The following PCDHGA5 variants were observed in gnomAD, a reference collection of about 807,000 sequenced individuals.
PCDHGA5 encodes protocadherin gamma subfamily A, 5.
Under a neutral mutation model 56.7 loss-of-function variants are expected in PCDHGA5, and 36 were observed. The ratio of observed to expected loss-of-function variants is 0.64; its 90% confidence interval spans 0.49 to 0.84. The LOEUF is 0.84. Among genes scored for constraint, PCDHGA5 ranks in the 40% least tolerant of loss-of-function variants. PCDHGA5 has a pLI of 0.00. For synonymous variants in PCDHGA5, 563 were observed against 520.2 expected (o/e 1.08, Z -1.12); for missense variants, 1,305 against 1,201.5 (o/e 1.09, Z -1.27).
chr5:141,386,587 G>A (rs1423292010), intron 1 of PCDHGA5, among the ~76,000 whole-genome samples: 2 of 151,614 alleles, frequency 1.3e-5, no homozygotes, highest in African/African-American at 4.9e-5. Context: ...CAATAGTGTG[G>A]GGGATACATT....
intron 1 of PCDHGA5, chr5:141,393,452 G>A (rs189963623): frequency 6.2e-7 from 1 of 1,614,030 alleles, no homozygotes; most frequent in Non-Finnish European, 8.5e-7. Context: ...TGGTCCTCAC[G>A]GCCTCGGATG....
intron 1 of PCDHGA5, chr5:141,408,389 G>T: frequency 6.2e-7 from 1 of 1,614,032 alleles, no homozygotes; most frequent in Non-Finnish European, 8.5e-7. Flanking sequence ...GGATGTGTCG[G>T]CTCGCAAGCT....
At chr5:141,408,974 G>T (rs899313364) in intron 1 of PCDHGA5, 1 of 1,613,690 alleles carries the variant, frequency 6.2e-7, no homozygotes, top group South Asian at 1.1e-5. Flanking sequence ...TCTGCCCCCT[G>T]GGTCCCCTGT....
rs773383689 is a variant in PCDHGA5, at chr5:141,383,358, G to T, written c.2421+16607G>T. 5 of 1,613,982 alleles carry T rather than the reference G, an allele frequency of 3.1e-6. No individual in the cohort carries two copies. The South Asian group carries it at 3.3e-5, about 11-fold the overall frequency. ...ATACAGCTCCTGGGGTTCGGTTTCC[G>T]TTAAGCGAGGCTGGGGATCCAGATG... On this transcript the variant is annotated intron_variant, in intron 1 of 3. Transcript: ENST00000518069.
At chr5:141,422,907 G>A in intron 1 of PCDHGA5, 1 of 1,614,196 alleles carries the variant, frequency 6.2e-7, no homozygotes, top group Non-Finnish European at 8.5e-7. Context: ...ACGACAATGC[G>A]CCCGAGATCC....
intron 1 of PCDHGA5, chr5:141,422,741 A>G (rs1319821802): frequency 6.2e-7 from 1 of 1,610,084 alleles, no homozygotes; most frequent in Non-Finnish European, 8.5e-7. Flanking sequence ...CTGTCCTCCT[A>G]TGTCTCTATT....
chr5:141,432,997 G>A lies in PCDHGA5; in HGVS notation c.2422-61810G>A, dbSNP rs778828769. ...CGCACTTTGTGGGCGTGGACGGGGT[G>A]CAGGCTTTCCTGCAGACCTATTCCC... is the stretch of plus-strand genomic sequence containing the variant. On this transcript the variant is annotated intron_variant, in intron 1 of 3. Coordinates refer to ENST00000518069, the MANE Select transcript of PCDHGA5 (RefSeq NM_018918.3). This position sits in a 1 kb window ranked among gnomAD's most constrained non-coding sequence, Gnocchi z 6.0. 5 of 1,614,082 alleles carry A rather than the reference G, an allele frequency of 3.1e-6. No homozygotes were observed. In the Admixed American group the frequency reaches 8.3e-5, roughly 27 times the overall value.
intron 1 of PCDHGA5, chr5:141,392,860 T>A (rs726684): frequency 2.5e-6 from 4 of 1,612,016 alleles, no homozygotes; most frequent in Admixed American, 3.4e-5. Flanking sequence ...CTGATCCTGC[T>A]GTGCGCGCTG....
intron 1 of PCDHGA5, among the ~76,000 whole-genome samples, chr5:141,467,931 T>C (rs771009105): frequency 1.3e-5 from 2 of 151,966 alleles, no homozygotes; most frequent in Non-Finnish European, 2.9e-5. Flanking sequence ...AATGCTAGGA[T>C]TACAAGCATG....
rs1165142153 is a variant in PCDHGA5 at position 141,402,786 on chromosome 5, G to A, written c.2421+36035G>A. On this transcript the variant is annotated intron_variant, in intron 1 of 3. Transcript: ENST00000518069. ...ACTCCATCCGGATTTCCAGTTCTGC[G>A]GCTACACAAAACCCGGCAGATACCA... 3.3e-6 allele frequency: 3 copies of A among 907,574 alleles called. No homozygotes were observed. The African/African-American group carries it at 5.0e-5, about 15-fold the overall frequency. 56.2% of individuals were successfully genotyped at this position (907,574 alleles called of 1,614,324 possible).
At chr5:141,386,425 C>T (rs996269178) in intron 1 of PCDHGA5, among the ~76,000 whole-genome samples, 2 of 151,916 alleles carry the variant, frequency 1.3e-5, no homozygotes, top group East Asian at 1.9e-4. Context: ...AGCTGTAGCC[C>T]ACCTGCATGG....
chr5:141,387,086 A>G (rs761672201), intron 1 of PCDHGA5, among the ~76,000 whole-genome samples: 4 of 152,226 alleles, frequency 2.6e-5, no homozygotes, highest in Non-Finnish European at 5.9e-5. Context: ...GCCTGTGATC[A>G]TCGAAATGAG....
chr5:141,404,079 C>G lies in PCDHGA5; in HGVS notation c.2421+37328C>G, dbSNP rs768434673. On this transcript the variant is annotated intron_variant, in intron 1 of 3. Transcript: ENST00000518069. ...CTTTTCAATGCTCATGACCGAGACT[C>G]CGGGAAGAATGGTCAAGTTGTCTGT... 3.1e-6 allele frequency: 5 copies of G among 1,613,568 alleles called. No homozygotes were observed. In the East Asian group the frequency reaches 1.1e-4, roughly 36 times the overall value.
rs372043756 is a variant in PCDHGA5 at position 141,476,212 on chromosome 5, C to G, written c.2422-18595C>G. ...GTGCCTTGAACAAGGCTTCCACGGT[C>G]ATTCACTATGAGATCCCGGAGGAAA... On this transcript the variant is annotated intron_variant, in intron 1 of 3. Coordinates refer to ENST00000518069, the MANE Select transcript of PCDHGA5 (RefSeq NM_018918.3). The surrounding 1 kb of genome is among the most constrained non-coding windows in gnomAD (Gnocchi z 7.6). 6 of 1,613,932 alleles carry G rather than the reference C, an allele frequency of 3.7e-6. No individual in the cohort carries two copies. The highest frequency in any genetic ancestry group is 5.1e-6 in the Non-Finnish European group (6 of 1,180,012).
intron 1 of PCDHGA5, chr5:141,399,717 C>T (rs748626326): frequency 3.1e-6 from 5 of 1,613,320 alleles, no homozygotes; most frequent in Non-Finnish European, 4.2e-6. Context: ...CACTACAGGC[C>T]CGCGACCAGG....
chr5:141,485,408 T>C lies in PCDHGA5; in HGVS notation c.2422-9399T>C. On this transcript the variant is annotated intron_variant, in intron 1 of 3. Transcript: ENST00000518069. The surrounding 1 kb of genome is among the most constrained non-coding windows in gnomAD (Gnocchi z 5.7). ...GAACCAAAGACACTTCCGTGTGGAT[T>C]TGGACAGCGGAGCCCTGCTCATCAA... 1 of 1,614,112 alleles carries C rather than the reference T, an allele frequency of 6.2e-7. No individual in the cohort carries two copies. Among genetic ancestry groups the C allele is most frequent in the Non-Finnish European group, 8.5e-7 (1 of 1,180,034 alleles).
chr5:141,418,810 A>G lies in PCDHGA5; in HGVS notation c.2421+52059A>G, dbSNP rs149866479. The G allele has an allele frequency of 4.9e-3, 7,975 of 1,613,892 alleles. 44 individuals carry two copies. Among genetic ancestry groups the G allele is most frequent in the Admixed American group, 9.4e-3 (567 of 60,018 alleles). On this transcript the variant is annotated intron_variant, in intron 1 of 3. Coordinates refer to ENST00000518069, the MANE Select transcript of PCDHGA5 (RefSeq NM_018918.3). ...TTGAAGAAGTAGAAAGATATACGAT[A>G]AACATAGAAGCAAAAGACCGAGGAT...
chr5:141,497,466 G>T (rs1047422582), intron 2 of PCDHGA5, among the ~76,000 whole-genome samples: 2 of 152,020 alleles, frequency 1.3e-5, no homozygotes, highest in African/African-American at 4.8e-5. Flanking sequence ...TGGAGATATG[G>T]AGGAGAAGGT....
chr5:141,366,551 G>A lies in PCDHGA5; in HGVS notation c.2221G>A (p.Val741Met), dbSNP rs372327694. 2 of 1,614,148 alleles carry A rather than the reference G, an allele frequency of 1.2e-6. No individual in the cohort carries two copies. Among genetic ancestry groups the A allele is most frequent in the African/African-American group, 2.7e-5 (2 of 74,952 alleles). The part of the protein sequence containing the change: ...RLAGVPASHF[V>M]GVDGVRAFLQ... The stretch of plus-strand genomic sequence containing the variant: ...GGCGGGTGTGCCCGCCTCGCACTTT[G>A]TGGGCGTGGATGGGGTTCGGGCTTT... The change falls in exon 1 of 4, where the codon GTG (valine) becomes ATG (methionine). Residue 741 changes from valine (V) to methionine (M), a missense_variant. Coordinates refer to ENST00000518069, the MANE Select transcript of PCDHGA5 (RefSeq NM_018918.3).
Sources: gnomAD v4.1 joint callset for allele counts (sites outside exome capture counted in the v4.1 genomes callset) on GRCh38, gnomAD v4.1.1 for gene constraint, Gnocchi (gnomAD v3.1) non-coding constraint, MANE v1.5 for transcripts, NCBI Gene and HGNC (gene_info 2026-07-23, HGNC 2026-07-21) for gene names.